The following NTM variants were observed in gnomAD, a reference collection of about 807,000 sequenced individuals.
NTM encodes the protein neurotrimin.
Under a neutral mutation model 42.1 loss-of-function variants are expected in NTM, and 13 were observed. The observed-to-expected ratio is 0.31, with a 90% CI of 0.20 to 0.49. The LOEUF is 0.49. Among genes scored for constraint, NTM ranks in the 20% least tolerant of loss-of-function variants. NTM has a pLI of 0.99. For synonymous variants in NTM, 187 were observed against 179.2 expected (o/e 1.04, Z -0.35); for missense variants, 373 against 452.8 (o/e 0.82, Z 1.60).
At chr11:132,104,262 C>T (rs755385969) in intron 2 of NTM, among the ~76,000 whole-genome samples, 3 of 152,038 alleles carry the variant, frequency 2.0e-5, no homozygotes, top group Non-Finnish European at 2.9e-5. Flanking sequence ...AGGCTATGTA[C>T]CAAAATATTT....
intron 1 of NTM, among the ~76,000 whole-genome samples, chr11:131,846,733 T>C (rs964813085): frequency 4.6e-5 from 7 of 152,192 alleles, no homozygotes; most frequent in Non-Finnish European, 7.3e-5. Flanking sequence ...AATCTGTAGT[T>C]TCTATAAGCA....
At chr11:132,270,357 G>A (rs2093418710) in intron 4 of NTM, among the ~76,000 whole-genome samples, 1 of 151,990 alleles carries the variant, frequency 6.6e-6, no homozygotes, top group Non-Finnish European at 1.5e-5. Context: ...TCAGCTTCCG[G>A]AGTAGCTGGG....
intron 4 of NTM, among the ~76,000 whole-genome samples, chr11:132,262,054 G>C (rs2092892811): frequency 6.6e-6 from 1 of 152,216 alleles, no homozygotes; most frequent in African/African-American, 2.4e-5. Context: ...TCAGCTATCT[G>C]TTTTACTGGC....
chr11:131,917,766 CT>C (rs2056625724), intron 2 of NTM, among the ~76,000 whole-genome samples: 1 of 152,254 alleles, frequency 6.6e-6, no homozygotes, highest in Non-Finnish European at 1.5e-5. Flanking sequence ...CCACTGGGCA[CT>C]CACCTCTGGG....
intron 2 of NTM, among the ~76,000 whole-genome samples, chr11:132,130,948 T>C (rs952752004): frequency 6.6e-6 from 1 of 152,226 alleles, no homozygotes; most frequent in Non-Finnish European, 1.5e-5. Flanking sequence ...GATCTGGGAT[T>C]TGAGATGTGT....
chr11:132,041,470 AT>A (rs11342929), intron 2 of NTM, among the ~76,000 whole-genome samples: 137,303 of 152,214 alleles, frequency 0.9, 62,185 homozygotes, highest in East Asian at 1. Flanking sequence ...TGTATTCAGA[AT>A]TAACCTTAAG....
intron 1 of NTM, among the ~76,000 whole-genome samples, chr11:131,815,296 C>G (rs934242312): frequency 7.9e-5 from 12 of 152,132 alleles, no homozygotes; most frequent in African/African-American, 1.2e-4. Context: ...CTTCTGGGAG[C>G]TGTCCCACCG....
At chr11:131,576,450 C>T (rs73580279) in intron 1 of NTM, among the ~76,000 whole-genome samples, 5,428 of 152,176 alleles carry the variant, frequency 0.036, 293 homozygotes, top group African/African-American at 0.12. Flanking sequence ...CACCCATTGT[C>T]TTATACTTTT....
intron 3 of NTM, among the ~76,000 whole-genome samples, chr11:132,190,999 G>GTTTGCAT (rs2079226563): frequency 6.6e-6 from 1 of 152,040 alleles, no homozygotes; most frequent in African/African-American, 2.4e-5. Context: ...TGTACAGAGT[G>GTTTGCAT]GAATGTCCGT....
chr11:131,935,843 A>G (rs554036211), intron 2 of NTM, among the ~76,000 whole-genome samples: 2 of 152,372 alleles, frequency 1.3e-5, no homozygotes, highest in African/African-American at 4.8e-5. Flanking sequence ...AAGAACAGGC[A>G]GAGGAAGACA....
In NTM at chr11:132,002,808, T is replaced by A. The variant is rs74885967; in HGVS notation, c.167+91160T>A. Among the ~76,000 whole-genome samples, 6,599 of 152,064 alleles carry A rather than the reference T, an allele frequency of 0.043. 508 individuals are homozygous for A. The highest frequency in any genetic ancestry group is 0.15 in the African/African-American group (6,255 of 41,340). On this transcript the variant is annotated intron_variant, in intron 2 of 8. Coordinates refer to ENST00000683400, the MANE Select transcript of NTM (RefSeq NM_001352005.2). This position sits in a 1 kb window ranked among gnomAD's most constrained non-coding sequence, Gnocchi z 4.5. Reference sequence around the variant, plus strand: ...AAAGTGGAGGAAATCATAGTAACGATTTATTAAAGTTGAAGATTGAGTTTT... The same window carrying A: ...AAAGTGGAGGAAATCATAGTAACGAATTATTAAAGTTGAAGATTGAGTTTT...
intron 2 of NTM, among the ~76,000 whole-genome samples, chr11:131,945,184 T>G (rs1443890875): frequency 6.6e-6 from 1 of 152,246 alleles, no homozygotes; most frequent in African/African-American, 2.4e-5. Flanking sequence ...TTTTTAGCTA[T>G]TTGTGTAAAA....
intron 2 of NTM, among the ~76,000 whole-genome samples, chr11:132,084,294 G>A (rs1050928508): frequency 1.3e-5 from 2 of 151,912 alleles, no homozygotes; most frequent in Non-Finnish European, 2.9e-5. Context: ...TTATCTTTGT[G>A]GTTTATAATA....
chr11:131,724,332 T>C (rs926781960), intron 1 of NTM, among the ~76,000 whole-genome samples: 3 of 152,176 alleles, frequency 2.0e-5, no homozygotes, highest in African/African-American at 7.2e-5. Flanking sequence ...TGAAAGGCTT[T>C]GAATCACAGC....
chr11:131,872,063 G>A (rs778463303), intron 1 of NTM, among the ~76,000 whole-genome samples: 6 of 152,132 alleles, frequency 3.9e-5, no homozygotes, highest in Non-Finnish European at 8.8e-5. Flanking sequence ...CATGCTACTG[G>A]ATTGTGTGTC....
intron 1 of NTM, among the ~76,000 whole-genome samples, chr11:131,594,078 A>G (rs2059614670): frequency 6.6e-6 from 1 of 152,216 alleles, no homozygotes; most frequent in African/African-American, 2.4e-5. Context: ...GTTTGCCTCT[A>G]AATGCATAAG....
chr11:132,053,519 T>G (rs2079154693), intron 2 of NTM, among the ~76,000 whole-genome samples: 4 of 152,138 alleles, frequency 2.6e-5, no homozygotes, highest in African/African-American at 9.7e-5. Context: ...GGAAAAGAAT[T>G]CTGAAATTCT....
intron 1 of NTM, among the ~76,000 whole-genome samples, chr11:131,867,376 G>T (rs1219651468): frequency 2.0e-5 from 3 of 151,908 alleles, no homozygotes; most frequent in South Asian, 2.1e-4. Context: ...TGTGTCTGGG[G>T]GTGTGTGTGT....
intron 2 of NTM, among the ~76,000 whole-genome samples, chr11:132,070,567 C>A (rs2057422284): frequency 1.6e-5 from 2 of 127,492 alleles, no homozygotes; most frequent in South Asian, 6.0e-4. Flanking sequence ...GTTAACACGT[C>A]ACACAGCCAA....
Sources: allele counts gnomAD v4.1 joint callset (sites outside exome capture counted in the v4.1 genomes callset), GRCh38; gene constraint gnomAD v4.1.1; non-coding constraint Gnocchi (gnomAD v3.1); transcripts MANE v1.5; gene names NCBI Gene and HGNC (gene_info 2026-07-23, HGNC 2026-07-21).